HDAC4: variants seen among roughly 807,000 people sequenced by gnomAD.
The protein encoded by HDAC4 is histone deacetylase A.
Under a neutral mutation model 135.1 loss-of-function variants are expected in HDAC4, and 16 were observed. The observed-to-expected ratio is 0.12, with a 90% confidence interval of 0.08 to 0.18. The LOEUF is 0.18. Among genes scored for constraint, HDAC4 ranks in the 10% least tolerant of loss-of-function variants. The pLI is 1.00. For missense variants in HDAC4, 1,143 were observed against 1,511.8 expected (o/e 0.76, Z 4.05); for synonymous variants, 685 against 653.4 (o/e 1.05, Z -0.74).
rs373909012 is a variant in HDAC4 at position 239,364,633 on chromosome 2, C to T, written c.-219-11715G>A. Among the ~76,000 whole-genome samples, 35 of 152,292 alleles carry T rather than the reference C, an allele frequency of 2.3e-4. 1 individual carries two copies. Among genetic ancestry groups the T allele is most frequent in the East Asian group, 1.7e-3 (9 of 5,178 alleles). ...CCTTCACTTGCAGAAAGTCAGCACC[C>T]GCATATCCCTCCTGGCTTGTGTACT... is the stretch of plus-strand genomic sequence containing the variant. On this transcript the variant is annotated intron_variant, in intron 1 of 26. Coordinates refer to ENST00000543185, the MANE Select transcript of HDAC4 (RefSeq NM_001378414.1).
intron 1 of HDAC4, among the ~76,000 whole-genome samples, chr2:239,392,032 C>T (rs1559405284): frequency 6.6e-6 from 1 of 152,234 alleles, no homozygotes; most frequent in Non-Finnish European, 1.5e-5. Context: ...AACATCCCCA[C>T]CAGCTTGGGA....
rs2052766092 is a variant in HDAC4 at position 239,309,403 on chromosome 2, G to A, written c.22+43275C>T. Among the ~76,000 whole-genome samples, 2 of 152,188 alleles carry A rather than the reference G, an allele frequency of 1.3e-5. No individual in the cohort carries two copies. The highest frequency in any genetic ancestry group is 6.5e-5 in the Admixed American group (1 of 15,284). On this transcript the variant is annotated intron_variant, in intron 2 of 26. Coordinates refer to ENST00000543185, the MANE Select transcript of HDAC4 (RefSeq NM_001378414.1). The surrounding 1 kb of genome is among the most constrained non-coding windows in gnomAD (Gnocchi z 4.2). ...TAGTGCAGAGGCTGCACCCTTCCAGGCTGAAACCCAGCACCTACAGCAAAT... is the reference window on the plus strand; with the variant it reads ...TAGTGCAGAGGCTGCACCCTTCCAGACTGAAACCCAGCACCTACAGCAAAT...
intron 4 of HDAC4, among the ~76,000 whole-genome samples, chr2:239,181,898 C>A (rs1038305153): frequency 1.3e-5 from 2 of 152,182 alleles, no homozygotes; most frequent in African/African-American, 4.8e-5. Context: ...TGAAAGATGT[C>A]GCCTAGAGAC....
chr2:239,097,659 G>T (rs767173583), intron 16 of HDAC4, among the ~76,000 whole-genome samples: 1 of 152,160 alleles, frequency 6.6e-6, no homozygotes, highest in African/African-American at 2.4e-5. Context: ...CTGGGCAGGA[G>T]CTGGCGGGAT....
intron 19 of HDAC4, 80 bp from the exon 20 acceptor site, chr2:239,084,322 C>A: frequency 1.0e-6 from 1 of 954,246 alleles, no homozygotes; most frequent in South Asian, 1.4e-5. Context: ...GAGAGCCACT[C>A]GGGGTCCACG....
At position 239,070,122 on chromosome 2, in the gene HDAC4, A is replaced by G. The variant is rs575160905; in HGVS notation, c.2751-1515T>C. On this transcript the variant is annotated intron_variant, in intron 22 of 26. Transcript: ENST00000543185. ...CACAGCTCCCACTGAAGACACGTGC[A>G]GTCACCCACTGCCCCTAGTGCTGGG... Among the ~76,000 whole-genome samples, 22 of 152,350 alleles carry G rather than the reference A, an allele frequency of 1.4e-4. No individual in the cohort carries two copies. The South Asian group carries it at 4.3e-3, about 30-fold the overall frequency.
intron 5 of HDAC4, among the ~76,000 whole-genome samples, chr2:239,174,878 A>G (rs182239633): frequency 2.8e-4 from 42 of 152,332 alleles, no homozygotes; most frequent in African/African-American, 8.4e-4. Flanking sequence ...AAGAAGCAAA[A>G]CGCAAAAATC....
chr2:239,223,331 C>T (rs1024639282), intron 3 of HDAC4, among the ~76,000 whole-genome samples: 16 of 152,316 alleles, frequency 1.1e-4, no homozygotes, highest in Non-Finnish European at 1.8e-4. Flanking sequence ...TGGGGCGAGC[C>T]GGCCTCTTCC....
intron 3 of HDAC4, among the ~76,000 whole-genome samples, chr2:239,197,846 T>TG (rs1478669810): frequency 4.5e-5 from 6 of 134,540 alleles, no homozygotes; most frequent in South Asian, 4.8e-4. Context: ...TCACTAAAAG[T>TG]TTGTGTGTGT....
chr2:239,248,926 T>C (rs2048622403), intron 2 of HDAC4, among the ~76,000 whole-genome samples: 1 of 152,216 alleles, frequency 6.6e-6, no homozygotes, highest in South Asian at 2.1e-4. Flanking sequence ...ATGGCCACAA[T>C]TTTGGGGACA....
intron 2 of HDAC4, among the ~76,000 whole-genome samples, chr2:239,255,648 G>GA (rs1274227884): frequency 3.3e-5 from 5 of 152,304 alleles, no homozygotes; most frequent in Admixed American, 1.3e-4. Flanking sequence ...TCATTATAAG[G>GA]AGGAAGAGGA....
At chr2:239,136,414 A>G (rs1386593481) in intron 9 of HDAC4, among the ~76,000 whole-genome samples, 2 of 152,168 alleles carry the variant, frequency 1.3e-5, no homozygotes, top group African/African-American at 2.4e-5. Context: ...TGTGTACAGC[A>G]CCACATTTTC....
chr2:239,080,465 T>TA (rs1376121953), intron 22 of HDAC4, among the ~76,000 whole-genome samples: 8 of 152,358 alleles, frequency 5.3e-5, no homozygotes, highest in African/African-American at 1.7e-4. Flanking sequence ...GCTGCCATTT[T>TA]AAAACGATGA....
chr2:239,356,119 C>T (rs1007432616), intron 1 of HDAC4, among the ~76,000 whole-genome samples: 10 of 152,138 alleles, frequency 6.6e-5, no homozygotes, highest in Non-Finnish European at 2.9e-5. Context: ...AAAAACATTA[C>T]ACAGAGAACA....
intron 1 of HDAC4, among the ~76,000 whole-genome samples, chr2:239,388,436 G>T (rs1343131646): frequency 6.6e-6 from 1 of 152,192 alleles, no homozygotes; most frequent in Non-Finnish European, 1.5e-5. Context: ...CGTTTGCATC[G>T]GCCTTCTCAG....
chr2:239,176,687 G>A, intron 4 of HDAC4, 124 bp from the exon 5 acceptor site: 5 of 800,836 alleles, frequency 6.2e-6, no homozygotes, highest in Non-Finnish European at 8.1e-6. Flanking sequence ...CCTGGGCACT[G>A]CCCTGCCCTG....
chr2:239,261,872 G>T (rs972898539), intron 2 of HDAC4, among the ~76,000 whole-genome samples: 11 of 152,168 alleles, frequency 7.2e-5, no homozygotes, highest in Non-Finnish European at 1.5e-4. Flanking sequence ...CAGCCAGGAG[G>T]TTCTGCTGCC....
chr2:239,385,783 C>T (rs1031398866), intron 1 of HDAC4, among the ~76,000 whole-genome samples: 1 of 152,190 alleles, frequency 6.6e-6, no homozygotes, highest in Non-Finnish European at 1.5e-5. Context: ...AGGCAAGCCA[C>T]GGTGAGTGCC....
At chr2:239,296,156 C>A (rs1324000879) in intron 2 of HDAC4, among the ~76,000 whole-genome samples, 1 of 152,230 alleles carries the variant, frequency 6.6e-6, no homozygotes, top group Non-Finnish European at 1.5e-5. Context: ...TGACCTGGAG[C>A]CGTGTCCTTG....
Sources: gnomAD v4.1 joint callset for allele counts (sites outside exome capture counted in the v4.1 genomes callset) on GRCh38, gnomAD v4.1.1 for gene constraint, Gnocchi (gnomAD v3.1) non-coding constraint, MANE v1.5 for transcripts, NCBI Gene and HGNC (gene_info 2026-07-23, HGNC 2026-07-21) for gene names.